ZNF423: variants seen among roughly 807,000 people sequenced by gnomAD.
The protein encoded by ZNF423 is zinc finger protein 423, also known as Ebf-associated zinc finger protein.
ZNF423 carries 12 observed loss-of-function variants against 95.8 expected under a neutral mutation model. That is an observed-to-expected ratio of 0.13 (90% CI 0.08 to 0.20). The LOEUF (loss-of-function observed/expected upper bound fraction) is 0.20, where lower values mean the gene tolerates loss of function less well. ZNF423 is among the 10% of genes least tolerant of loss of function. The pLI, the probability that ZNF423 is intolerant of heterozygous loss-of-function variation, is 1.00. For missense variants in ZNF423, 1,316 were observed against 1,737.1 expected (o/e 0.76, Z 4.31); for synonymous variants, 749 against 711.9 (o/e 1.05, Z -0.83).
intron 3 of ZNF423, among the ~76,000 whole-genome samples, chr16:49,696,483 C>A (rs1320593227): frequency 6.6e-6 from 1 of 152,228 alleles, no homozygotes; most frequent in Non-Finnish European, 1.5e-5. Flanking sequence ...CTGACTCCAT[C>A]AGCCCCGCTC....
At chr16:49,698,988 C>A (rs142219794) in intron 3 of ZNF423, among the ~76,000 whole-genome samples, 1 of 152,324 alleles carries the variant, frequency 6.6e-6, no homozygotes, top group Non-Finnish European at 1.5e-5. Context: ...CAGACAGAGT[C>A]CCCAAAGGGG....
chr16:49,682,917 T>A (rs553501671), intron 3 of ZNF423, among the ~76,000 whole-genome samples: 31 of 148,892 alleles, frequency 2.1e-4, no homozygotes, highest in African/African-American at 6.8e-4. Context: ...GAGACGCCCC[T>A]ACCACAACCA....
At chr16:49,856,912 C>T (rs1567374464), upstream of ZNF423, among the ~76,000 whole-genome samples, 1 of 101,194 alleles carries the variant, frequency 9.9e-6, no homozygotes, top group South Asian at 3.3e-4. Context: ...AAGAGGAGGA[C>T]GAGCAGGCGG....
At chr16:49,826,650 C>T (rs746276360) in intron 1 of ZNF423, 6 of 152,140 alleles carry the variant, frequency 3.9e-5, no homozygotes, top group African/African-American at 7.2e-5. Context: ...GTGCCTGGGA[C>T]GCAGGAAGGA....
intron 5 of ZNF423, among the ~76,000 whole-genome samples, chr16:49,589,444 G>C (rs1225797999): frequency 2.0e-5 from 3 of 152,308 alleles, no homozygotes; most frequent in Non-Finnish European, 2.9e-5. Context: ...TAAAGGTTTA[G>C]TGTCTAGCTG....
Position 49,518,908 on chromosome 16 carries a change from T to G in ZNF423, c.3849+4716A>C, listed in dbSNP as rs537085636. ...CACCTATAAAATTAAAAGTTAAAAT[T>G]AAAAAATTAGCTGGGTGTGGTGGTG... On this transcript the variant is annotated intron_variant, in intron 7 of 7. Transcript: ENST00000563137. Among the ~76,000 whole-genome samples, 26 of 152,066 alleles carry G rather than the reference T, an allele frequency of 1.7e-4. No individual in the cohort carries two copies. The East Asian group carries it at 5.0e-3, about 29-fold the overall frequency.
chr16:49,629,049 A>G (rs1371139360), intron 4 of ZNF423, among the ~76,000 whole-genome samples: 1 of 152,172 alleles, frequency 6.6e-6, no homozygotes, highest in Non-Finnish European at 1.5e-5. Context: ...AGGACTTCAC[A>G]CTTCTTGGCC....
At chr16:49,761,224 A>G (rs951160756) in intron 2 of ZNF423, among the ~76,000 whole-genome samples, 3 of 152,208 alleles carry the variant, frequency 2.0e-5, no homozygotes, top group Non-Finnish European at 4.4e-5. Flanking sequence ...GCTGGTGGTT[A>G]AATGTGAGAA....
intron 5 of ZNF423, among the ~76,000 whole-genome samples, chr16:49,556,317 T>G (rs1035164912): frequency 1.3e-5 from 2 of 152,170 alleles, no homozygotes; most frequent in African/African-American, 4.8e-5. Flanking sequence ...AGAGCAGAAG[T>G]GCCCCCTCTT....
chr16:49,606,574 G>A (rs1971544038), intron 5 of ZNF423, among the ~76,000 whole-genome samples: 1 of 152,182 alleles, frequency 6.6e-6, no homozygotes, highest in Non-Finnish European at 1.5e-5. Flanking sequence ...GGGGGCTCAG[G>A]TCCCAGAGGG....
intron 5 of ZNF423, among the ~76,000 whole-genome samples, chr16:49,553,208 A>G (rs2151756413): frequency 6.6e-6 from 1 of 152,324 alleles, no homozygotes; most frequent in Non-Finnish European, 1.5e-5. Context: ...CTACACAGGG[A>G]TGTTAGAAGG....
chr16:49,818,182 A>T (rs980435920), intron 1 of ZNF423, among the ~76,000 whole-genome samples: 3 of 152,144 alleles, frequency 2.0e-5, no homozygotes, highest in East Asian at 1.9e-4. Context: ...CCCAGAATGG[A>T]TCGCATGATA....
At chr16:49,557,076 G>A (rs1006910648) in intron 5 of ZNF423, among the ~76,000 whole-genome samples, 5 of 152,198 alleles carry the variant, frequency 3.3e-5, no homozygotes, top group African/African-American at 4.8e-5. Flanking sequence ...CACACAAGGC[G>A]GGCCCTCTTT....
At chr16:49,624,991 G>T (rs185860376) in intron 5 of ZNF423, among the ~76,000 whole-genome samples, 2 of 152,220 alleles carry the variant, frequency 1.3e-5, no homozygotes, top group South Asian at 4.1e-4. Context: ...CTAAATGTAC[G>T]CAGTAAAGGG....
chr16:49,854,573 A>T (rs933469227), intron 1 of ZNF423: 16 of 985,322 alleles, frequency 1.6e-5, no homozygotes, highest in Non-Finnish European at 1.9e-5. Flanking sequence ...CCGTAGACTT[A>T]GCCGCTCTCA....
In ZNF423 at chr16:49,708,720, C is replaced by A. The variant is rs146118989; in HGVS notation, c.301+22051G>T. Among the ~76,000 whole-genome samples the A allele has an allele frequency of 4.2e-3, 641 of 152,282 alleles. 2 individuals carry two copies. The highest frequency in any genetic ancestry group is 6.2e-3 in the Non-Finnish European group (419 of 68,028). On this transcript the variant is annotated intron_variant, in intron 3 of 7. Coordinates refer to ENST00000563137, the MANE Select transcript of ZNF423 (RefSeq NM_001379286.1). ...CTTTCACAGGCCATGGATGTACCTT[C>A]CCCTAGAAGCACTTGCGGAGGCTGT...
chr16:49,719,597 G>C (rs1356576706), intron 3 of ZNF423, among the ~76,000 whole-genome samples: 1 of 152,114 alleles, frequency 6.6e-6, no homozygotes, highest in African/African-American at 2.4e-5. Flanking sequence ...CCCCCTTGCT[G>C]TGCTGGTGAT....
chr16:49,572,064 G>C (rs1970370957), intron 5 of ZNF423, among the ~76,000 whole-genome samples: 1 of 152,162 alleles, frequency 6.6e-6, no homozygotes, highest in African/African-American at 2.4e-5. Flanking sequence ...GACCCCAGTA[G>C]CCCTTTCTAC....
intron 2 of ZNF423, among the ~76,000 whole-genome samples, chr16:49,775,225 A>T (rs1470623926): frequency 2.0e-5 from 3 of 152,202 alleles, no homozygotes; most frequent in Non-Finnish European, 4.4e-5. Flanking sequence ...CTGTTTGTCC[A>T]TTGATTAATG....
Sources: allele counts gnomAD v4.1 joint callset (sites outside exome capture counted in the v4.1 genomes callset), GRCh38; gene constraint gnomAD v4.1.1; transcripts MANE v1.5; gene names NCBI Gene and HGNC (gene_info 2026-07-23, HGNC 2026-07-21).